AUTS2: variants seen among roughly 807,000 people sequenced by gnomAD.
The protein encoded by AUTS2 is autism susceptibility gene 2 protein.
AUTS2 carries 17 observed loss-of-function variants against 112.4 expected under a neutral mutation model. The observed-to-expected ratio is 0.15, with a 90% CI of 0.10 to 0.23. AUTS2 has a LOEUF of 0.23. Among genes scored for constraint, AUTS2 ranks in the 10% least tolerant of loss-of-function variants. The pLI is 1.00. For missense variants in AUTS2, 1,510 were observed against 1,701.6 expected (o/e 0.89, Z 1.98); for synonymous variants, 751 against 702.7 (o/e 1.07, Z -1.09).
At chr7:70,265,934 A>G (rs1341184074) in intron 4 of AUTS2, among the ~76,000 whole-genome samples, 2 of 152,202 alleles carry the variant, frequency 1.3e-5, no homozygotes, top group East Asian at 1.9e-4. Context: ...ATAAACTGAG[A>G]TTGTTGTGAA....
chr7:70,020,291 C>T (rs1800211574), intron 2 of AUTS2, among the ~76,000 whole-genome samples: 1 of 152,016 alleles, frequency 6.6e-6, no homozygotes, highest in Non-Finnish European at 1.5e-5. Context: ...CTTGACCCCA[C>T]CCCCCACTCT....
chr7:70,223,155 G>A (rs1478248800), intron 4 of AUTS2, among the ~76,000 whole-genome samples: 1 of 152,086 alleles, frequency 6.6e-6, no homozygotes, highest in African/African-American at 2.4e-5. Context: ...CCAAAGTGCT[G>A]TGATTACAGG....
At chr7:70,762,661 C>T (rs1033378778) in intron 6 of AUTS2, among the ~76,000 whole-genome samples, 1 of 152,166 alleles carries the variant, frequency 6.6e-6, no homozygotes, top group Non-Finnish European at 1.5e-5. Flanking sequence ...TGGTCAAAGG[C>T]TGTTCCTGCA....
intron 2 of AUTS2, among the ~76,000 whole-genome samples, chr7:69,984,313 A>G (rs536401923): frequency 2.0e-5 from 3 of 150,862 alleles, no homozygotes; most frequent in Admixed American, 1.3e-4. Context: ...AGGCTGAGGC[A>G]GGAGAATGGC....
intron 5 of AUTS2, among the ~76,000 whole-genome samples, chr7:70,499,556 C>T (rs146190172): frequency 6.6e-5 from 10 of 152,354 alleles, no homozygotes; most frequent in Admixed American, 5.9e-4. Flanking sequence ...TTACGTACCA[C>T]TCCCAAGATC....
chr7:70,311,468 G>T (rs999125910), intron 4 of AUTS2, among the ~76,000 whole-genome samples: 1 of 152,220 alleles, frequency 6.6e-6, no homozygotes, highest in East Asian at 1.9e-4. Flanking sequence ...GCTGACGCCA[G>T]TAGGGTATAA....
intron 1 of AUTS2, among the ~76,000 whole-genome samples, chr7:69,650,735 C>G (rs1301792813): frequency 6.6e-6 from 1 of 152,218 alleles, no homozygotes; most frequent in Non-Finnish European, 1.5e-5. Context: ...GTTCACCATT[C>G]CTGTTTGCCT....
intron 5 of AUTS2, among the ~76,000 whole-genome samples, chr7:70,605,389 C>G (rs915936945): frequency 6.6e-6 from 1 of 152,126 alleles, no homozygotes; most frequent in African/African-American, 2.4e-5. Flanking sequence ...CCAGGAGGGA[C>G]TGGAATTGAT....
chr7:70,108,448 G>GTA lies in AUTS2; in HGVS notation c.523-9681_523-9680dup, dbSNP rs909207796. Among the ~76,000 whole-genome samples, 97 of 152,004 alleles carry GTA rather than the reference G, an allele frequency of 6.4e-4. 2 individuals carry two copies. The highest frequency in any genetic ancestry group is 2.1e-3 in the African/African-American group (86 of 41,376). On this transcript the variant is annotated intron_variant, in intron 2 of 18. Coordinates refer to ENST00000342771, the MANE Select transcript of AUTS2 (RefSeq NM_015570.4). ...AACATACATGAAAGTAAAGATAACG[G>GTA]TATAATGAACCCAACATCATCTAAC...
intron 1 of AUTS2, among the ~76,000 whole-genome samples, chr7:69,693,922 G>A (rs1584084934): frequency 6.6e-6 from 1 of 152,282 alleles, no homozygotes; most frequent in East Asian, 1.9e-4. Flanking sequence ...ACGCTGTGTA[G>A]GGTGATTCTA....
intron 1 of AUTS2, among the ~76,000 whole-genome samples, chr7:69,616,210 G>A (rs1793365530): frequency 6.6e-6 from 1 of 152,138 alleles, no homozygotes; most frequent in African/African-American, 2.4e-5. Context: ...CTGAATGTGA[G>A]CCCAAAGCAG....
chr7:70,137,448 G>A (rs1312180295), intron 4 of AUTS2, among the ~76,000 whole-genome samples: 1 of 150,852 alleles, frequency 6.6e-6, no homozygotes, highest in Non-Finnish European at 1.5e-5. Context: ...TTGTTAGAGT[G>A]TGTGTAGGAT....
chr7:69,991,876 A>C (rs1563020985), intron 2 of AUTS2, among the ~76,000 whole-genome samples: 1 of 151,902 alleles, frequency 6.6e-6, no homozygotes, highest in African/African-American at 2.4e-5. Context: ...ATTCTAAGAC[A>C]TTTTTTTTGT....
intron 1 of AUTS2, among the ~76,000 whole-genome samples, chr7:69,891,151 C>T (rs189040064): frequency 6.6e-6 from 1 of 152,296 alleles, no homozygotes; most frequent in East Asian, 1.9e-4. Context: ...TCCTATCTCT[C>T]CCAGGAAGCC....
At chr7:69,854,007 G>A (rs1792606682) in intron 1 of AUTS2, among the ~76,000 whole-genome samples, 1 of 152,066 alleles carries the variant, frequency 6.6e-6, no homozygotes, top group Non-Finnish European at 1.5e-5. Flanking sequence ...TCCCTTATAG[G>A]AATGAAAATT....
At chr7:70,415,445 T>G (rs1057447815) in intron 4 of AUTS2, among the ~76,000 whole-genome samples, 1 of 152,230 alleles carries the variant, frequency 6.6e-6, no homozygotes, top group African/African-American at 2.4e-5. Flanking sequence ...GTGGTGATAT[T>G]AGACTTAAGA....
intron 1 of AUTS2, among the ~76,000 whole-genome samples, chr7:69,885,429 G>A (rs1270769614): frequency 1.3e-5 from 2 of 152,186 alleles, no homozygotes; most frequent in African/African-American, 4.8e-5. Flanking sequence ...TTTTTCAGAA[G>A]GAGTTCGGCT....
chr7:70,081,299 C>G (rs1207004664), intron 2 of AUTS2, among the ~76,000 whole-genome samples: 1 of 151,510 alleles, frequency 6.6e-6, no homozygotes, highest in East Asian at 1.9e-4. Flanking sequence ...GCCTGTAATC[C>G]CAGCACTTTG....
intron 1 of AUTS2, among the ~76,000 whole-genome samples, chr7:69,896,975 G>T (rs1416199307): frequency 2.6e-5 from 4 of 152,164 alleles, no homozygotes; most frequent in African/African-American, 4.8e-5. Flanking sequence ...AGTTTGCAAT[G>T]ATATATTTGT....
Sources: gnomAD v4.1 joint callset for allele counts (sites outside exome capture counted in the v4.1 genomes callset) on GRCh38, gnomAD v4.1.1 for gene constraint, MANE v1.5 for transcripts, NCBI Gene and HGNC (gene_info 2026-07-23, HGNC 2026-07-21) for gene names.